The following ANKRD45 variants were observed in gnomAD, a reference collection of about 807,000 sequenced individuals.
The protein encoded by ANKRD45 is ankyrin repeat domain 45.
In ANKRD45, 21 loss-of-function variants were observed where a neutral mutation model predicts 28.1. That is an observed-to-expected ratio of 0.75 (90% CI 0.53 to 1.08). ANKRD45 has a LOEUF of 1.08. Ranked by LOEUF, ANKRD45 falls within the 50% of genes least tolerant of loss-of-function variation. ANKRD45 has a pLI of 0.00. For synonymous variants in ANKRD45, 86 were observed against 103.9 expected (o/e 0.83, Z 1.05); for missense variants, 261 against 308.7 (o/e 0.85, Z 1.16).
chr1:173,610,860 G>T (rs1205043352), intron 5 of ANKRD45, among the ~76,000 whole-genome samples: 1 of 151,916 alleles, frequency 6.6e-6, no homozygotes, highest in African/African-American at 2.4e-5. Context: ...AAATAATTCA[G>T]GTCTTAATTA....
the ANKRD45 span, among the ~76,000 whole-genome samples, chr1:173,700,351 C>G: frequency 4.6e-5 from 7 of 152,176 alleles, no homozygotes; most frequent in East Asian, 1.3e-3. Flanking sequence ...CAAAAAAGAG[C>G]TTGCATTGCC....
chr1:173,644,328 A>G (rs1284226910), intron 3 of ANKRD45, among the ~76,000 whole-genome samples: 1 of 152,230 alleles, frequency 6.6e-6, no homozygotes, highest in Non-Finnish European at 1.5e-5. Flanking sequence ...TCCATTCTGA[A>G]TAAGACTGAA....
At chr1:173,682,184 C>G in the ANKRD45 span, among the ~76,000 whole-genome samples, 1 of 152,044 alleles carries the variant, frequency 6.6e-6, no homozygotes. Context: ...CTGGGCTGAG[C>G]CTACACTGAA....
rs561372283 is a variant in ANKRD45, at chr1:173,611,108, C to T, written c.731-893G>A. Among the ~76,000 whole-genome samples, 9 of 152,242 alleles carry T rather than the reference C, an allele frequency of 5.9e-5. No homozygotes were observed. The South Asian group carries it at 1.9e-3, about 32-fold the overall frequency. Reference sequence around the variant, plus strand: ...CTCTATTTTCTACATTTCTACTGTACCTTGACACAGACTCAGCTACAATCA... The same window carrying T: ...CTCTATTTTCTACATTTCTACTGTATCTTGACACAGACTCAGCTACAATCA... On this transcript the variant is annotated intron_variant, in intron 5 of 5. Coordinates refer to ENST00000333279, the MANE Select transcript of ANKRD45 (RefSeq NM_198493.3).
chr1:173,660,961 T>G (rs1260197114), intron 1 of ANKRD45, among the ~76,000 whole-genome samples: 1 of 152,182 alleles, frequency 6.6e-6, no homozygotes, highest in African/African-American at 2.4e-5. Context: ...AGCTTAGGGC[T>G]CATTTGTCAC....
At chr1:173,620,949 T>C (rs1179512071) in intron 5 of ANKRD45, among the ~76,000 whole-genome samples, 7 of 152,032 alleles carry the variant, frequency 4.6e-5, no homozygotes, top group Non-Finnish European at 7.4e-5. Context: ...AAGAATCAAA[T>C]AGACACAATC....
At chr1:173,691,553 A>G in the ANKRD45 span, among the ~76,000 whole-genome samples, 2 of 152,352 alleles carry the variant, frequency 1.3e-5, no homozygotes, top group African/African-American at 4.8e-5. Flanking sequence ...TGGGAGGCCA[A>G]GATGGGTGGA....
At chr1:173,633,832 T>A (rs1414216133) in intron 3 of ANKRD45, among the ~76,000 whole-genome samples, 3 of 152,068 alleles carry the variant, frequency 2.0e-5, no homozygotes, top group Admixed American at 2.0e-4. Context: ...TATACAAAAA[T>A]TAAATCAAAC....
chr1:173,698,288 C>T, the ANKRD45 span, among the ~76,000 whole-genome samples: 1 of 152,092 alleles, frequency 6.6e-6, no homozygotes, highest in Non-Finnish European at 1.5e-5. Flanking sequence ...CAAGGATATC[C>T]AGGACTTGAA....
chr1:173,624,419 G>A (rs1667833696), intron 5 of ANKRD45, among the ~76,000 whole-genome samples: 1 of 151,866 alleles, frequency 6.6e-6, no homozygotes, highest in African/African-American at 2.4e-5. Flanking sequence ...CTCAGGAGGT[G>A]GAGGCTGTGG....
At position 173,609,270 on chromosome 1, in the gene ANKRD45, G is replaced by A. The variant is rs148438640; in HGVS notation, c.*875C>T. On this transcript the variant is annotated 3_prime_UTR_variant, in exon 6 of 6. Coordinates refer to ENST00000333279, the MANE Select transcript of ANKRD45 (RefSeq NM_198493.3). ...CATTCCTTTTCCTTCTCCCCATAAGGGAAAACTAGCTTTCAGAACAGGACA... is the reference window on the plus strand; with the variant it reads ...CATTCCTTTTCCTTCTCCCCATAAGAGAAAACTAGCTTTCAGAACAGGACA... Among the ~76,000 whole-genome samples, 5 of 152,222 alleles carry A rather than the reference G, an allele frequency of 3.3e-5. No homozygotes were observed. Among genetic ancestry groups the A allele is most frequent in the African/African-American group, 9.6e-5 (4 of 41,524 alleles).
chr1:173,706,426 C>T, the ANKRD45 span, among the ~76,000 whole-genome samples: 2 of 151,820 alleles, frequency 1.3e-5, no homozygotes, highest in South Asian at 2.1e-4. Flanking sequence ...GCAACCTCCG[C>T]CTCCCAGGTT....
At chr1:173,696,589 G>A in the ANKRD45 span, among the ~76,000 whole-genome samples, 1 of 152,112 alleles carries the variant, frequency 6.6e-6, no homozygotes, top group Admixed American at 6.6e-5. Context: ...TTGTAGGTGT[G>A]TGGCTTTATT....
intron 2 of ANKRD45, among the ~76,000 whole-genome samples, chr1:173,653,273 G>A (rs989441938): frequency 6.6e-6 from 1 of 152,150 alleles, no homozygotes; most frequent in African/African-American, 2.4e-5. Flanking sequence ...CTTTAAATGT[G>A]TCCCAGAGAT....
intron 2 of ANKRD45, among the ~76,000 whole-genome samples, chr1:173,656,449 A>G (rs115886674): frequency 6.6e-6 from 1 of 152,324 alleles, no homozygotes; most frequent in African/African-American, 2.4e-5. Flanking sequence ...CTATGTACCT[A>G]TGAATAATCA....
At chr1:173,655,445 T>G (rs999079928) in intron 2 of ANKRD45, among the ~76,000 whole-genome samples, 1 of 152,166 alleles carries the variant, frequency 6.6e-6, no homozygotes, top group Non-Finnish European at 1.5e-5. Context: ...CAGCAAATAT[T>G]GCAGAACAGC....
chr1:173,621,276 A>G (rs1667690523), intron 5 of ANKRD45, among the ~76,000 whole-genome samples: 1 of 152,180 alleles, frequency 6.6e-6, no homozygotes, highest in African/African-American at 2.4e-5. Context: ...AAAAAATTGA[A>G]AAGGAAGGAC....
chr1:173,613,566 C>CCCCA (rs1667308713), intron 5 of ANKRD45, among the ~76,000 whole-genome samples: 1 of 148,854 alleles, frequency 6.7e-6, no homozygotes, highest in African/African-American at 2.5e-5. Context: ...GGGTCAGCCC[C>CCCCA]CCCCCCGGCC....
intron 2 of ANKRD45, among the ~76,000 whole-genome samples, chr1:173,654,032 A>G (rs1227723581): frequency 2.0e-5 from 3 of 150,600 alleles, no homozygotes; most frequent in Non-Finnish European, 4.4e-5. Flanking sequence ...TGAGTACAGC[A>G]CACTGATGGG....
Sources: gnomAD v4.1 joint callset for allele counts (sites outside exome capture counted in the v4.1 genomes callset) on GRCh38, gnomAD v4.1.1 for gene constraint, MANE v1.5 for transcripts, NCBI Gene and HGNC (gene_info 2026-07-23, HGNC 2026-07-21) for gene names.